Variants in DSCAM observed in about 807,000 individuals in gnomAD.
The protein encoded by DSCAM is DS cell adhesion molecule.
A neutral mutation model predicts 217.7 loss-of-function variants in DSCAM; 47 were observed. The observed-to-expected ratio is 0.22, with a 90% confidence interval of 0.17 to 0.28. DSCAM has a LOEUF of 0.28. DSCAM is among the 10% of genes least tolerant of loss of function. The pLI is 1.00. For missense variants in DSCAM, 2,080 were observed against 2,618.3 expected, an observed-to-expected ratio of 0.79 and a Z score of 4.49; for synonymous variants, 1,056 against 1,015.3, an observed-to-expected ratio of 1.04 and a Z score of -0.76.
intron 1 of DSCAM, among the ~76,000 whole-genome samples, chr21:40,803,243 C>T (rs1181787363): frequency 6.6e-6 from 1 of 152,166 alleles, no homozygotes; most frequent in African/African-American, 2.4e-5. Context: ...CAGATGTGAT[C>T]ACTGGCTTTT....
At chr21:40,627,481 A>G (rs760353) in intron 3 of DSCAM, among the ~76,000 whole-genome samples, 83,537 of 151,996 alleles carry the variant, frequency 0.55, 23,981 homozygotes, top group Non-Finnish European at 0.62. Flanking sequence ...AAAGCTAGTA[A>G]TTTTCTTTAA....
At chr21:40,428,089 C>T (rs1038700134) in intron 3 of DSCAM, among the ~76,000 whole-genome samples, 4 of 152,082 alleles carry the variant, frequency 2.6e-5, no homozygotes, top group African/African-American at 7.2e-5. Flanking sequence ...GGGAATCTGC[C>T]TTTAAGTTTC....
At chr21:40,094,876 A>G (rs917890990) in intron 20 of DSCAM, among the ~76,000 whole-genome samples, 1 of 152,230 alleles carries the variant, frequency 6.6e-6, no homozygotes, top group Non-Finnish European at 1.5e-5. Context: ...CAAAAGGTGA[A>G]GTTCACAAAG....
chr21:40,555,095 G>A (rs1445421359), intron 3 of DSCAM, among the ~76,000 whole-genome samples: 1 of 152,102 alleles, frequency 6.6e-6, no homozygotes, highest in Non-Finnish European at 1.5e-5. Flanking sequence ...GTTTATACAT[G>A]ATTAACTTGA....
At chr21:40,451,877 C>CA (rs1170833232) in intron 3 of DSCAM, among the ~76,000 whole-genome samples, 1 of 151,990 alleles carries the variant, frequency 6.6e-6, no homozygotes, top group African/African-American at 2.4e-5. Flanking sequence ...TTCACTGACG[C>CA]AAAAATTCAA....
intron 3 of DSCAM, among the ~76,000 whole-genome samples, chr21:40,559,783 TG>T (rs2076703296): frequency 4.2e-5 from 5 of 118,926 alleles, no homozygotes; most frequent in Admixed American, 1.1e-4. Context: ...TAAAATTTTC[TG>T]TCTTTTTTTT....
intron 1 of DSCAM, among the ~76,000 whole-genome samples, chr21:40,761,663 C>T (rs2091336806): frequency 6.6e-6 from 1 of 152,152 alleles, no homozygotes; most frequent in Non-Finnish European, 1.5e-5. Flanking sequence ...CTTAACAGCC[C>T]TAACAAACTA....
chr21:40,638,619 C>T (rs1229039731), intron 3 of DSCAM, among the ~76,000 whole-genome samples: 5 of 152,244 alleles, frequency 3.3e-5, no homozygotes, highest in African/African-American at 4.8e-5. Flanking sequence ...ATTTCAAGCA[C>T]GGCGAGGCTG....
rs2146401183 is a variant in DSCAM at position 40,012,718 on chromosome 21, C to G, written c.*316G>C. On this transcript the variant is annotated 3_prime_UTR_variant, in exon 33 of 33. Transcript: ENST00000400454. ...TCTTGCCTCTTGTGTGATAGAACTT[C>G]CAGTCAGAAGGTTTAATTAATCCCC... 1 of 173,426 alleles carries G rather than the reference C, an allele frequency of 5.8e-6. No individual in the cohort carries two copies. Among genetic ancestry groups the G allele is most frequent in the South Asian group, 2.0e-4 (1 of 4,956 alleles). The allele number at this position is 173,426 out of a possible 1,614,324, so 10.7% of individuals were successfully genotyped here.
intron 32 of DSCAM, among the ~76,000 whole-genome samples, chr21:40,041,734 C>T (rs1219624741): frequency 6.6e-6 from 1 of 152,152 alleles, no homozygotes; most frequent in Non-Finnish European, 1.5e-5. Flanking sequence ...AGCCAGTTAC[C>T]ATCACCTTGT....
chr21:40,379,010 C>T (rs1424261869), intron 3 of DSCAM, among the ~76,000 whole-genome samples: 1 of 152,168 alleles, frequency 6.6e-6, no homozygotes, highest in South Asian at 2.1e-4. Flanking sequence ...TGTACACATA[C>T]CCTGCAGAAA....
chr21:40,706,134 C>T (rs1373178860), intron 2 of DSCAM, among the ~76,000 whole-genome samples: 2 of 148,896 alleles, frequency 1.3e-5, no homozygotes, highest in Admixed American at 6.7e-5. Flanking sequence ...GAGCCGAGAT[C>T]GCGCGACTGC....
At chr21:40,350,482 A>G (rs1408691939) in intron 5 of DSCAM, among the ~76,000 whole-genome samples, 1 of 152,154 alleles carries the variant, frequency 6.6e-6, no homozygotes, top group Non-Finnish European at 1.5e-5. Flanking sequence ...GGGTGAAAAA[A>G]AAGCTTTTTT....
chr21:40,432,937 G>A (rs1383172011), intron 3 of DSCAM, among the ~76,000 whole-genome samples: 4 of 152,170 alleles, frequency 2.6e-5, no homozygotes, highest in Admixed American at 6.5e-5. Flanking sequence ...ATCGCTTCTC[G>A]TTTGTTCTTC....
chr21:40,654,878 T>C (rs1338228697), intron 3 of DSCAM, among the ~76,000 whole-genome samples: 1 of 152,032 alleles, frequency 6.6e-6, no homozygotes, highest in African/African-American at 2.4e-5. Flanking sequence ...TTCCAGAAAT[T>C]AGGACACGCA....
chr21:40,327,122 T>A (rs2074326342), intron 8 of DSCAM, among the ~76,000 whole-genome samples: 1 of 152,124 alleles, frequency 6.6e-6, no homozygotes, highest in Non-Finnish European at 1.5e-5. Flanking sequence ...TATTTCTGAC[T>A]TAAAATGTCA....
At chr21:40,771,892 C>T (rs2091448017) in intron 1 of DSCAM, among the ~76,000 whole-genome samples, 2 of 151,296 alleles carry the variant, frequency 1.3e-5, no homozygotes, top group South Asian at 4.2e-4. Context: ...GTGCGTATGT[C>T]GCATACAATG....
intron 10 of DSCAM, among the ~76,000 whole-genome samples, chr21:40,286,675 T>C (rs1477751587): frequency 6.7e-6 from 1 of 150,368 alleles, no homozygotes; most frequent in East Asian, 2.0e-4. Flanking sequence ...TTCAGCAGTG[T>C]GATCCACAGG....
At chr21:40,256,456 C>A (rs1321392072) in intron 11 of DSCAM, among the ~76,000 whole-genome samples, 3 of 151,166 alleles carry the variant, frequency 2.0e-5, no homozygotes, top group Non-Finnish European at 4.4e-5. Flanking sequence ...CAGACAGACA[C>A]ACACACACAA....
Sources: gnomAD v4.1 joint callset for allele counts (sites outside exome capture counted in the v4.1 genomes callset) on GRCh38, gnomAD v4.1.1 for gene constraint, MANE v1.5 for transcripts, NCBI Gene and HGNC (gene_info 2026-07-23, HGNC 2026-07-21) for gene names.